The following PRPF39 variants were observed in gnomAD, a reference collection of about 807,000 sequenced individuals.
The protein encoded by PRPF39 is pre-mRNA processing factor 39.
A neutral mutation model predicts 82.1 loss-of-function variants in PRPF39; 27 were observed. The ratio of observed to expected loss-of-function variants is 0.33; its 90% CI spans 0.24 to 0.45. The LOEUF is 0.45. Among genes scored for constraint, PRPF39 ranks in the 20% least tolerant of loss-of-function variants. The pLI, the probability that PRPF39 is intolerant of heterozygous loss-of-function variation, is 1.00. For synonymous variants in PRPF39, 261 were observed against 256.4 expected, an observed-to-expected ratio of 1.02 and a Z score of -0.17; for missense variants, 581 against 796.9, an observed-to-expected ratio of 0.73 and a Z score of 3.26.
At chr14:45,105,786 A>C (rs769564949) in intron 5 of PRPF39, among the ~76,000 whole-genome samples, 38 of 151,834 alleles carry the variant, frequency 2.5e-4, no homozygotes, top group Non-Finnish European at 5.9e-5. Flanking sequence ...TCAGCCTCCC[A>C]AAGTGCTGGG....
rs916934711 is a variant in PRPF39 at position 45,110,891 on chromosome 14, G to A, written c.1572+74G>A. 1 of 1,339,956 alleles carries A rather than the reference G, an allele frequency of 7.5e-7. No homozygotes were observed. Among genetic ancestry groups the A allele is most frequent in the Non-Finnish European group, 1.0e-6 (1 of 987,566 alleles). The allele number at this position is 1,339,956 out of a possible 1,614,324, so 83.0% of individuals were successfully genotyped here. On this transcript the variant is annotated intron_variant, in intron 10 of 13. Coordinates refer to ENST00000355765, the MANE Select transcript of PRPF39 (RefSeq NM_017922.4). This position sits in a 1 kb window ranked among gnomAD's most constrained non-coding sequence, Gnocchi z 4.0. Reference sequence around the variant, plus strand: ...TCAGTGTATTTTCACTGTGGCAACTGTGATGAAAGATTTGGTCTGTATGTA... The same window carrying A: ...TCAGTGTATTTTCACTGTGGCAACTATGATGAAAGATTTGGTCTGTATGTA...
At chr14:45,089,478 C>CT (rs980470106) in intron 1 of PRPF39, among the ~76,000 whole-genome samples, 1 of 151,964 alleles carries the variant, frequency 6.6e-6, no homozygotes, top group Non-Finnish European at 1.5e-5. Context: ...TGATTTCTTT[C>CT]TTTTTTTTGA....
intron 1 of PRPF39, among the ~76,000 whole-genome samples, chr14:45,092,432 C>T (rs1380896810): frequency 6.6e-6 from 1 of 151,948 alleles, no homozygotes; most frequent in Non-Finnish European, 1.5e-5. Flanking sequence ...GAAACCTCGT[C>T]TCTCCTAAAA....
At chr14:45,099,103 T>C (rs1315775009) in intron 4 of PRPF39, among the ~76,000 whole-genome samples, 5 of 152,206 alleles carry the variant, frequency 3.3e-5, no homozygotes, top group Admixed American at 3.3e-4. Flanking sequence ...GCTGTTAGGA[T>C]GTTCTCTTTG....
Position 45,112,510 on chromosome 14 carries a change from ATTAGTT to A in PRPF39, c.1757+9_1757+14del. ...TGGTTCCGATGTTAATAAGTAAGAT[ATTAGTT>A]ATATTACCTATTTGAATGATAAATG... On this transcript the variant is annotated intron_variant, in intron 11 of 13. Transcript: ENST00000355765. 6.8e-7 allele frequency: 1 copy of A among 1,464,900 alleles called. No homozygotes were observed. The highest frequency in any genetic ancestry group is 2.7e-5 in the Admixed American group (1 of 37,214). 90.7% of individuals were successfully genotyped at this position (1,464,900 alleles called of 1,614,324 possible).
At chr14:45,111,770 C>T (rs1005497667) in intron 10 of PRPF39, among the ~76,000 whole-genome samples, 2 of 150,350 alleles carry the variant, frequency 1.3e-5, no homozygotes, top group African/African-American at 4.9e-5. Context: ...TCCCAAGTAG[C>T]TGGGATTAAA....
chr14:45,114,567 G>C lies in PRPF39; in HGVS notation c.1906G>C (p.Asp636His), dbSNP rs1884784437. The C allele has an allele frequency of 6.2e-7, 1 of 1,609,016 alleles. No homozygotes were observed. The highest frequency in any genetic ancestry group is 1.7e-5 in the Admixed American group (1 of 58,996). The part of the protein sequence containing the change: ...TSSSTQMIDG[D>H]LQANQAVYNY... ...ATCATCTACACAGATGATTGATGGT[G>C]ATTTACAGGCAAACCAAGCTGTATA... The change falls in exon 13 of 14, where the codon GAT becomes CAT. Residue 636 changes from aspartate (D) to histidine (H), a missense_variant. Asp to His is a moderately conservative substitution (Grantham distance 81). Transcript: ENST00000355765.
chr14:45,094,077 T>C (rs796989987), intron 1 of PRPF39, among the ~76,000 whole-genome samples: 24 of 152,276 alleles, frequency 1.6e-4, no homozygotes, highest in African/African-American at 5.5e-4. Flanking sequence ...TGCATTATTG[T>C]CTTTAAAGTT....
intron 10 of PRPF39, among the ~76,000 whole-genome samples, chr14:45,111,209 T>C (rs974775799): frequency 2.6e-5 from 4 of 152,218 alleles, no homozygotes; most frequent in Non-Finnish European, 4.4e-5. Flanking sequence ...TAGAGTACTT[T>C]TTATATTTTT....
At chr14:45,114,344 T>C in intron 12 of PRPF39, 87 bp downstream of exon 12, 3 of 1,374,718 alleles carry the variant, frequency 2.2e-6, no homozygotes, top group Non-Finnish European at 3.0e-6. Flanking sequence ...TACTTTTATG[T>C]TGTAATTTAC....
intron 11 of PRPF39, among the ~76,000 whole-genome samples, chr14:45,113,534 T>C (rs549666054): frequency 3.9e-5 from 6 of 152,334 alleles, no homozygotes; most frequent in South Asian, 2.1e-4. Flanking sequence ...TAGTGTCTTA[T>C]GTTTACACTG....
chr14:45,111,327 T>C (rs371596867), intron 10 of PRPF39, among the ~76,000 whole-genome samples: 2 of 152,158 alleles, frequency 1.3e-5, no homozygotes, highest in South Asian at 2.1e-4. Context: ...AGCAGTTTGC[T>C]TCTAGCTGCA....
intron 10 of PRPF39, among the ~76,000 whole-genome samples, chr14:45,112,102 A>C (rs1884715128): frequency 6.6e-6 from 1 of 152,132 alleles, no homozygotes; most frequent in South Asian, 2.1e-4. Flanking sequence ...ATTGTTTAGG[A>C]GGTACTAGGA....
intron 1 of PRPF39, among the ~76,000 whole-genome samples, chr14:45,090,732 TTG>T (rs142126031): frequency 6.6e-6 from 1 of 151,816 alleles, no homozygotes; most frequent in East Asian, 1.9e-4. Context: ...GTGTATGTGT[TTG>T]TGTGTGTGTG....
At chr14:45,095,175 T>G in intron 1 of PRPF39, 46 bp from the exon 2 acceptor site, 1 of 1,315,384 alleles carries the variant, frequency 7.6e-7, no homozygotes, top group Non-Finnish European at 1.1e-6. Context: ...CCAAATAATT[T>G]TATTGGCATT....
At chr14:45,092,029 G>A (rs542165736) in intron 1 of PRPF39, among the ~76,000 whole-genome samples, 7 of 152,242 alleles carry the variant, frequency 4.6e-5, no homozygotes, top group South Asian at 4.1e-4. Context: ...GACATGAATC[G>A]TTTCAGATAT....
intron 2 of PRPF39, 135 bp from the exon 3 acceptor site, chr14:45,095,968 A>C (rs1884188748): frequency 1.5e-6 from 1 of 675,342 alleles, no homozygotes; most frequent in Non-Finnish European, 2.3e-6. Flanking sequence ...CTCCATCGGC[A>C]GAGCAGCCTG....
intron 8 of PRPF39, 111 bp from the exon 9 acceptor site, chr14:45,109,983 G>A: frequency 6.4e-7 from 1 of 1,573,228 alleles, no homozygotes. Context: ...TAGTCTAGTG[G>A]TTCAATAAAG....
intron 2 of PRPF39, chr14:45,095,788 T>C (rs1161331102): frequency 1.7e-6 from 1 of 575,058 alleles, no homozygotes; most frequent in Non-Finnish European, 2.7e-6. Context: ...ATAATTGAGG[T>C]GTAAATGTGT....
Sources: gnomAD v4.1 joint callset for allele counts (sites outside exome capture counted in the v4.1 genomes callset) on GRCh38, gnomAD v4.1.1 for gene constraint, Gnocchi (gnomAD v3.1) non-coding constraint, MANE v1.5 for transcripts, NCBI Gene and HGNC (gene_info 2026-07-23, HGNC 2026-07-21) for gene names.